The following MARCHF3 variants were observed in gnomAD, a reference collection of about 807,000 sequenced individuals.
MARCHF3 encodes the protein membrane associated ring-CH-type finger 3.
Under a neutral mutation model 24.2 loss-of-function variants are expected in MARCHF3, and 13 were observed. The ratio of observed to expected loss-of-function variants is 0.54; its 90% CI spans 0.35 to 0.85. MARCHF3 has a LOEUF of 0.85. Among genes scored for constraint, MARCHF3 ranks in the 40% least tolerant of loss-of-function variants. The pLI is 0.01. For missense variants in MARCHF3, 276 were observed against 325.0 expected (o/e 0.85, Z 1.16); for synonymous variants, 144 against 137.3 (o/e 1.05, Z -0.34).
chr5:126,870,800 G>T lies in MARCHF3; in HGVS notation c.604-9C>A, dbSNP rs1268898390. 6.2e-7 allele frequency: 1 copy of T among 1,613,294 alleles called. No individual in the cohort carries two copies. The highest frequency in any genetic ancestry group is 1.3e-5 in the African/African-American group (1 of 74,914). On this transcript the variant is annotated splice_polypyrimidine_tract_variant and intron_variant, in intron 4 of 4. Coordinates refer to ENST00000308660, the MANE Select transcript of MARCHF3 (RefSeq NM_178450.5). ...TGGTACCTAAATGACACCTGGGGATGGGAGAGGAAAAGTAAGAGAAAAGAA... is the reference window on the plus strand; with the variant it reads ...TGGTACCTAAATGACACCTGGGGATTGGAGAGGAAAAGTAAGAGAAAAGAA...
chr5:127,011,913 A>C (rs188092129), intron 1 of MARCHF3, among the ~76,000 whole-genome samples: 1 of 152,282 alleles, frequency 6.6e-6, no homozygotes, highest in East Asian at 1.9e-4. Flanking sequence ...TAACTGGGAG[A>C]GTGAGTTATC....
intron 1 of MARCHF3, among the ~76,000 whole-genome samples, chr5:126,987,036 G>A (rs1228326704): frequency 1.3e-5 from 2 of 152,242 alleles, no homozygotes; most frequent in Admixed American, 6.5e-5. Context: ...GGTATTTGTG[G>A]ATGTGATGAA....
chr5:126,927,398 T>C (rs541192384), intron 1 of MARCHF3, among the ~76,000 whole-genome samples: 21 of 150,570 alleles, frequency 1.4e-4, no homozygotes, highest in African/African-American at 4.6e-4. Context: ...CTTATGAACC[T>C]CTTTAGGGAA....
chr5:126,931,096 T>C (rs1030986611), intron 1 of MARCHF3, among the ~76,000 whole-genome samples: 8 of 152,132 alleles, frequency 5.3e-5, no homozygotes, highest in Non-Finnish European at 8.8e-5. Flanking sequence ...GAACAAATAA[T>C]GTAGGGGTGG....
At chr5:126,976,218 C>T (rs902238372) in intron 1 of MARCHF3, among the ~76,000 whole-genome samples, 1 of 152,180 alleles carries the variant, frequency 6.6e-6, no homozygotes, top group Non-Finnish European at 1.5e-5. Context: ...CTATGGGACA[C>T]ACCTGGGTGT....
rs547529937 is a variant in MARCHF3, at chr5:126,947,959, T to C, written c.-56-29732A>G. On this transcript the variant is annotated intron_variant, in intron 1 of 4. Coordinates refer to ENST00000308660, the MANE Select transcript of MARCHF3 (RefSeq NM_178450.5). Reference sequence around the variant, plus strand: ...ACTTGGTCAAAGAGGACATTCTCATTAATGATCTGCAGGTACTCAACTCCT... The same window carrying C: ...ACTTGGTCAAAGAGGACATTCTCATCAATGATCTGCAGGTACTCAACTCCT... 2.6e-5 allele frequency among the ~76,000 whole-genome samples: 4 copies of C among 152,264 alleles called. No individual in the cohort carries two copies. In the South Asian group the frequency reaches 8.3e-4, roughly 32 times the overall value.
intron 1 of MARCHF3, among the ~76,000 whole-genome samples, chr5:127,016,256 T>C (rs1338793523): frequency 6.6e-6 from 1 of 152,164 alleles, no homozygotes; most frequent in Non-Finnish European, 1.5e-5. Flanking sequence ...ACTACTGTTA[T>C]GAGTTCAAAT....
intron 3 of MARCHF3, among the ~76,000 whole-genome samples, chr5:126,910,029 TATCA>T (rs1160932387): frequency 1.3e-5 from 2 of 152,230 alleles, no homozygotes; most frequent in African/African-American, 4.8e-5. Flanking sequence ...ATACAGTTCT[TATCA>T]ATCAGCTGGT....
At chr5:126,944,042 C>T (rs1749924489) in intron 1 of MARCHF3, among the ~76,000 whole-genome samples, 1 of 151,920 alleles carries the variant, frequency 6.6e-6, no homozygotes, top group Non-Finnish European at 1.5e-5. Flanking sequence ...GAACTCCTGA[C>T]CTCATGATCC....
intron 1 of MARCHF3, among the ~76,000 whole-genome samples, chr5:126,993,773 A>G (rs1002076222): frequency 6.6e-6 from 1 of 152,178 alleles, no homozygotes; most frequent in African/African-American, 2.4e-5. Context: ...TCTTCTCAAT[A>G]CACCTGCAGC....
intron 1 of MARCHF3, among the ~76,000 whole-genome samples, chr5:126,983,995 A>C (rs752118694): frequency 3.9e-5 from 6 of 152,172 alleles, no homozygotes; most frequent in Non-Finnish European, 7.3e-5. Context: ...GTTGTAGCAA[A>C]AGATTAAAAC....
intron 3 of MARCHF3, among the ~76,000 whole-genome samples, chr5:126,895,773 G>T (rs1468500576): frequency 6.6e-6 from 1 of 152,168 alleles, no homozygotes; most frequent in Non-Finnish European, 1.5e-5. Context: ...TTGTTTGTCT[G>T]TGCACTGCCC....
intron 3 of MARCHF3, among the ~76,000 whole-genome samples, chr5:126,906,704 CTCT>C (rs1754311565): frequency 6.6e-6 from 1 of 152,102 alleles, no homozygotes; most frequent in African/African-American, 2.4e-5. Context: ...TGATTCTTCT[CTCT>C]TTTTTTCTTT....
At chr5:127,002,048 A>C (rs1752146748) in intron 1 of MARCHF3, among the ~76,000 whole-genome samples, 1 of 152,250 alleles carries the variant, frequency 6.6e-6, no homozygotes, top group East Asian at 1.9e-4. Context: ...TGGAATGAGA[A>C]ACAGAGTAAG....
At chr5:127,025,017 C>T (rs1009870673) in intron 1 of MARCHF3, among the ~76,000 whole-genome samples, 1 of 152,052 alleles carries the variant, frequency 6.6e-6, no homozygotes. Context: ...CAACAGTGAG[C>T]AATAAATACA....
chr5:126,877,701 C>T (rs1753205439), intron 4 of MARCHF3, among the ~76,000 whole-genome samples: 1 of 152,142 alleles, frequency 6.6e-6, no homozygotes, highest in South Asian at 2.1e-4. Context: ...AAGTGCGGCT[C>T]CACGTCCAAC....
intron 1 of MARCHF3, among the ~76,000 whole-genome samples, chr5:127,008,139 G>A (rs1752366754): frequency 1.3e-5 from 2 of 152,106 alleles, no homozygotes; most frequent in Non-Finnish European, 2.9e-5. Context: ...CATTGAAGTT[G>A]TAGTATTTTC....
At position 126,963,590 on chromosome 5, in the gene MARCHF3, G is replaced by C. The variant is rs191788688; in HGVS notation, c.-56-45363C>G. Among the ~76,000 whole-genome samples, 600 of 152,244 alleles carry C rather than the reference G, an allele frequency of 3.9e-3. 1 individual carries two copies. The highest frequency in any genetic ancestry group is 0.014 in the Middle Eastern group (4 of 294). On this transcript the variant is annotated intron_variant, in intron 1 of 4. Coordinates refer to ENST00000308660, the MANE Select transcript of MARCHF3 (RefSeq NM_178450.5). The stretch of plus-strand genomic sequence containing the variant: ...GAGATTTATTTATACTTTGAGCTAA[G>C]ACAAGATTAATTGGATCTAAGATAC...
chr5:127,020,519 A>G (rs1752761244), intron 1 of MARCHF3, among the ~76,000 whole-genome samples: 1 of 152,180 alleles, frequency 6.6e-6, no homozygotes, highest in Admixed American at 6.5e-5. Flanking sequence ...TTGAGAATTG[A>G]TTATGAGCCC....
Sources: allele counts gnomAD v4.1 joint callset (sites outside exome capture counted in the v4.1 genomes callset), GRCh38; gene constraint gnomAD v4.1.1; transcripts MANE v1.5; gene names NCBI Gene and HGNC (gene_info 2026-07-23, HGNC 2026-07-21).